The following PACS2 variants were observed in gnomAD, a reference collection of about 807,000 sequenced individuals.
The protein encoded by PACS2 is PACS1-like protein.
In PACS2, 36 loss-of-function variants were observed where a neutral mutation model predicts 113.0. The ratio of observed to expected loss-of-function variants is 0.32; its 90% CI spans 0.24 to 0.42. The LOEUF (loss-of-function observed/expected upper bound fraction) is 0.42. PACS2 is among the 10% of genes least tolerant of loss of function. The pLI is 1.00. For missense variants in PACS2, 1,015 were observed against 1,239.5 expected, an observed-to-expected ratio of 0.82 and a Z score of 2.72; for synonymous variants, 589 against 536.1, an observed-to-expected ratio of 1.10 and a Z score of -1.36.
intron 22 of PACS2, chr14:105,392,007 T>G (rs1555415047): frequency 3.7e-6 from 2 of 542,184 alleles, no homozygotes; most frequent in Non-Finnish European, 6.5e-6. Context: ...ACATGGGCGT[T>G]GTGCTGGGCT....
chr14:105,322,777 ACTTC>A (rs1267969116), intron 1 of PACS2, among the ~76,000 whole-genome samples: 1 of 152,212 alleles, frequency 6.6e-6, no homozygotes, highest in Non-Finnish European at 1.5e-5. Flanking sequence ...AAAACTCACC[ACTTC>A]CTTTGTTGCT....
At chr14:105,306,541 G>C (rs1195740111) in intron 1 of PACS2, among the ~76,000 whole-genome samples, 1 of 151,942 alleles carries the variant, frequency 6.6e-6, no homozygotes, top group African/African-American at 2.4e-5. Flanking sequence ...CTGACCTCGT[G>C]ATCTGCCCAC....
At chr14:105,363,402 G>A (rs587700106) in intron 4 of PACS2, among the ~76,000 whole-genome samples, 1 of 152,292 alleles carries the variant, frequency 6.6e-6, no homozygotes, top group East Asian at 1.9e-4. Context: ...TAGAGAACTC[G>A]CTGCAGCTTC....
chr14:105,313,845 G>C (rs2058427224), upstream of PACS2, among the ~76,000 whole-genome samples: 2 of 152,206 alleles, frequency 1.3e-5, no homozygotes, highest in East Asian at 3.9e-4. Context: ...CAAACAGATG[G>C]GGGAAGCACC....
chr14:105,327,393 C>G (rs1351231957), intron 1 of PACS2, among the ~76,000 whole-genome samples: 2 of 152,220 alleles, frequency 1.3e-5, no homozygotes, highest in African/African-American at 4.8e-5. Context: ...GGGCGGGGAC[C>G]TTGGCTCCCG....
Position 105,347,045 on chromosome 14 carries a change from C to T in PACS2, c.120-1448C>T, listed in dbSNP as rs587617112. 8.2e-5 allele frequency among the ~76,000 whole-genome samples: 11 copies of T among 133,918 alleles called. No homozygotes were observed. The South Asian group carries it at 1.7e-3, about 20-fold the overall frequency. The allele number at this position is 133,918 out of a possible 152,430, so 87.9% of individuals were successfully genotyped here. A position where few individuals can be genotyped will look rare whatever the true frequency, so the allele number is the denominator to read the frequency against. On this transcript the variant is annotated intron_variant, in intron 1 of 24. Coordinates refer to ENST00000447393, the MANE Select transcript of PACS2 (RefSeq NM_001100913.3). ...CACGGCTCCCCCACTGCCTGTTGTC[C>T]GCTGTCCCCGTTGCACCTCCCACCT...
At position 105,317,820 on chromosome 14, in the gene PACS2, C is replaced by A. The variant is rs983035274; in HGVS notation, c.119+2783C>A. Among the ~76,000 whole-genome samples, 2 of 152,202 alleles carry A rather than the reference C, an allele frequency of 1.3e-5. No individual in the cohort carries two copies. The highest frequency in any genetic ancestry group is 4.8e-5 in the African/African-American group (2 of 41,440). On this transcript the variant is annotated intron_variant, in intron 1 of 24. Coordinates refer to ENST00000447393, the MANE Select transcript of PACS2 (RefSeq NM_001100913.3). The surrounding 1 kb of genome is among the most constrained non-coding windows in gnomAD (Gnocchi z 4.2). ...CTGGGGTGCTGGTCTCGTTTCGGTTCTCCTTCTGGGAGGCAGCCGGAGAAG... is the reference window on the plus strand; with the variant it reads ...CTGGGGTGCTGGTCTCGTTTCGGTTATCCTTCTGGGAGGCAGCCGGAGAAG...
rs1373459018 is a variant in PACS2 at position 105,397,435 on chromosome 14, G to A, written c.*2763G>A. ...GGAGGCAGCCCCTTGTAGAGCTAGG[G>A]CTCAGCCCCATCAGTCTCAAAGGTT... is the stretch of plus-strand genomic sequence containing the variant. On this transcript the variant is annotated 3_prime_UTR_variant, in exon 25 of 25. Transcript: ENST00000447393. 1 of 152,312 alleles carries A rather than the reference G, an allele frequency of 6.6e-6. No individual in the cohort carries two copies. The highest frequency in any genetic ancestry group is 1.5e-5 in the Non-Finnish European group (1 of 68,154). 9.4% of individuals were successfully genotyped at this position (152,312 alleles called of 1,614,324 possible). A position where few individuals can be genotyped will look rare whatever the true frequency, so the allele number is the denominator to read the frequency against.
intron 2 of PACS2, among the ~76,000 whole-genome samples, chr14:105,350,346 A>T (rs587775966): frequency 6.6e-6 from 1 of 152,222 alleles, no homozygotes; most frequent in African/African-American, 2.4e-5. Context: ...GTTGACCTCT[A>T]ACCTCTGGCA....
chr14:105,369,535 T>G (rs2061073219), intron 7 of PACS2, among the ~76,000 whole-genome samples: 1 of 152,128 alleles, frequency 6.6e-6, no homozygotes, highest in African/African-American at 2.4e-5. Flanking sequence ...GGCCAGGGCC[T>G]TTCCTGGGAG....
At position 105,391,755 on chromosome 14, in the gene PACS2, G is replaced by A. The variant is rs904927569; in HGVS notation, c.2244G>A (p.Leu748=). ...CCTCCCCGTCGGTGAGCGGAGGCCT[G>A]TCCTCCCCCAGGTAAAGGTGCCTCA... ...PPSSPSVSGG[L]SSPSQGVGAE... is the part of the protein sequence containing the mutation. Residue 748 remains leucine (L), a synonymous_variant, in exon 22 of 25, where the codon CTG becomes CTA. Transcript: ENST00000447393. 6.3e-7 allele frequency: 1 copy of A among 1,593,438 alleles called. No homozygotes were observed. Among genetic ancestry groups the A allele is most frequent in the Non-Finnish European group, 8.5e-7 (1 of 1,171,388 alleles).
chr14:105,372,896 C>T (rs781895856), intron 8 of PACS2: 3 of 150,792 alleles, frequency 2.0e-5, no homozygotes, highest in Non-Finnish European at 2.9e-5. Context: ...AGCGAGACTC[C>T]GTCTCAAAAA....
At chr14:105,378,782 C>T (rs945864186) in intron 9 of PACS2, among the ~76,000 whole-genome samples, 2 of 152,330 alleles carry the variant, frequency 1.3e-5, no homozygotes, top group South Asian at 2.1e-4. Flanking sequence ...CCTTTTTCTT[C>T]GTACATATTA....
chr14:105,333,155 G>A (rs751416946), intron 1 of PACS2, among the ~76,000 whole-genome samples: 4 of 152,112 alleles, frequency 2.6e-5, no homozygotes, highest in Non-Finnish European at 4.4e-5. Context: ...ACCCATGCAC[G>A]CGTGTGCACA....
intron 24 of PACS2, among the ~76,000 whole-genome samples, chr14:105,393,871 G>T (rs2081449837): frequency 6.6e-6 from 1 of 152,028 alleles, no homozygotes; most frequent in Non-Finnish European, 1.5e-5. Context: ...GATTATGGGC[G>T]CGAGCCACCG....
rs1006410361 is a variant in PACS2, at chr14:105,354,881, A to G, written c.298-171A>G. ...GTTGGGTAAAGGATGGGCTCTGGGG[A>G]CCGGCATGCCACTGGGATGAACTTG... On this transcript the variant is annotated intron_variant, in intron 3 of 24. Coordinates refer to ENST00000447393, the MANE Select transcript of PACS2 (RefSeq NM_001100913.3). This position sits in a 1 kb window ranked among gnomAD's most constrained non-coding sequence, Gnocchi z 4.2. 6.6e-6 allele frequency among the ~76,000 whole-genome samples: 1 copy of G among 152,098 alleles called. No homozygotes were observed. The highest frequency in any genetic ancestry group is 2.4e-5 in the African/African-American group (1 of 41,414).
chr14:105,370,298 C>A lies in PACS2; in HGVS notation c.801+398C>A, dbSNP rs587630144. On this transcript the variant is annotated intron_variant, in intron 8 of 24. Coordinates refer to ENST00000447393, the MANE Select transcript of PACS2 (RefSeq NM_001100913.3). ...GACAGCCCCCCACTATTGACATGGG[C>A]CCCCCCTCCCCACCTGACAGCCCCC... is the stretch of plus-strand genomic sequence containing the variant. The A allele has an allele frequency of 1.9e-3, 173 of 89,068 alleles. 3 individuals carry two copies. In the East Asian group the frequency reaches 0.021, roughly 11 times the overall value. 5.5% of individuals were successfully genotyped at this position (89,068 alleles called of 1,614,324 possible). A position where few individuals can be genotyped will look rare whatever the true frequency, so the allele number is the denominator to read the frequency against.
At chr14:105,362,502 G>GAGTTAGT (rs2060763073) in intron 4 of PACS2, among the ~76,000 whole-genome samples, 2 of 151,958 alleles carry the variant, frequency 1.3e-5, no homozygotes, top group African/African-American at 2.4e-5. Flanking sequence ...TCCATCAGAG[G>GAGTTAGT]AATCACTGTC....
intron 8 of PACS2, chr14:105,370,944 T>C (rs1250520082): frequency 2.0e-5 from 3 of 152,208 alleles, no homozygotes; most frequent in Non-Finnish European, 4.4e-5. Context: ...GTCTCAGCCT[T>C]GAAGCAGGGT....
Sources: allele counts gnomAD v4.1 joint callset (sites outside exome capture counted in the v4.1 genomes callset), GRCh38; gene constraint gnomAD v4.1.1; non-coding constraint Gnocchi (gnomAD v3.1); transcripts MANE v1.5; gene names NCBI Gene and HGNC (gene_info 2026-07-23, HGNC 2026-07-21).